Variants in DIAPH2 observed in about 807,000 individuals in gnomAD.
DIAPH2 encodes diaphanous related formin 2.
Under a neutral mutation model 92.7 loss-of-function variants are expected in DIAPH2, and 35 were observed. That is an observed-to-expected ratio of 0.38 (90% CI 0.29 to 0.50). The LOEUF (loss-of-function observed/expected upper bound fraction) is 0.50, where lower values mean the gene tolerates loss of function less well. DIAPH2 is among the 20% of genes least tolerant of loss of function. The pLI is 0.94. For synonymous variants in DIAPH2, 301 were observed against 280.4 expected (o/e 1.07, Z -0.73); for missense variants, 701 against 819.5 (o/e 0.86, Z 1.77).
At chrX:97,258,441 C>T (rs7060696) in intron 23 of DIAPH2, among the ~76,000 whole-genome samples, 2,876 of 110,444 alleles carry the variant, frequency 0.026, 93 homozygotes, top group African/African-American at 0.091. Flanking sequence ...AGGCGCGTGG[C>T]ACGCGCCTGT....
At chrX:97,061,901 G>A (rs923389258) in intron 17 of DIAPH2, among the ~76,000 whole-genome samples, 3 of 105,503 alleles carry the variant, frequency 2.8e-5, no homozygotes, top group Admixed American at 1.0e-4. Context: ...TTCTTTTCCC[G>A]TCTTCTCTAC....
At chrX:97,119,876 T>A (rs964471299) in intron 21 of DIAPH2, among the ~76,000 whole-genome samples, 2 of 111,833 alleles carry the variant, frequency 1.8e-5, no homozygotes, top group African/African-American at 6.5e-5. Flanking sequence ...TCCAAAGGGC[T>A]GGCCCCACTC....
chrX:97,564,360 G>A (rs778909208), intron 26 of DIAPH2: 1 of 112,369 alleles, frequency 8.9e-6, no homozygotes, highest in Non-Finnish European at 1.9e-5. Context: ...ATTTGTAAAC[G>A]ACAGAAATTT....
chrX:96,970,037 T>A (rs945707658), intron 17 of DIAPH2, among the ~76,000 whole-genome samples: 11 of 112,454 alleles, frequency 9.8e-5, no homozygotes, highest in Non-Finnish European at 1.9e-4. Context: ...TTTATAGATG[T>A]TGATAAACAT....
chrX:96,982,282 T>A (rs1255055248), intron 17 of DIAPH2, among the ~76,000 whole-genome samples: 2 of 112,039 alleles, frequency 1.8e-5, no homozygotes, highest in Admixed American at 9.5e-5. Context: ...TGGCTGTTAA[T>A]TAAATTAATT....
rs758740281 is a variant in DIAPH2 at position 97,099,997 on chromosome X, G to A, written c.2349+202G>A. Among the ~76,000 whole-genome samples the A allele has an allele frequency of 2.4e-4, 26 of 110,587 alleles. No homozygotes were observed. In the East Asian group the frequency reaches 6.5e-3, roughly 27 times the overall value. On this transcript the variant is annotated intron_variant, in intron 20 of 26. Transcript: ENST00000324765. ...GGCATTGAAAAATAATAAAATATTC[G>A]CATTCATAAAATACTTCAAAATATC...
At position 96,855,300 on chromosome X, in the gene DIAPH2, T is replaced by C. The variant is rs1466287834; in HGVS notation, c.448-26279T>C. 1.8e-4 allele frequency among the ~76,000 whole-genome samples: 20 copies of C among 110,910 alleles called. No homozygotes were observed. The Admixed American group carries it at 1.9e-3, about 11-fold the overall frequency. ...ATTACAATTGAGAGCCGAGGGACTA[T>C]CTTCAGCATTAAAAACTCAAACATT... On this transcript the variant is annotated intron_variant, in intron 4 of 26. Coordinates refer to ENST00000324765, the MANE Select transcript of DIAPH2 (RefSeq NM_006729.5).
At position 97,457,144 on chromosome X, in the gene DIAPH2, C is replaced by A. The variant is rs545531005; in HGVS notation, c.3241+27399C>A. ...CAAGCAATCCTCCTGCCAAAGCCTCCCGAGTAGCTGGGATTACAGGCACCC... is the reference window on the plus strand; with the variant it reads ...CAAGCAATCCTCCTGCCAAAGCCTCACGAGTAGCTGGGATTACAGGCACCC... On this transcript the variant is annotated intron_variant, in intron 26 of 26. Transcript: ENST00000324765. Among the ~76,000 whole-genome samples the A allele has an allele frequency of 3.3e-3, 363 of 111,384 alleles. 3 individuals carry two copies. Among genetic ancestry groups the A allele is most frequent in the South Asian group, 0.025 (65 of 2,598 alleles).
At chrX:97,484,816 G>A (rs1284741073) in intron 26 of DIAPH2, among the ~76,000 whole-genome samples, 2 of 111,869 alleles carry the variant, frequency 1.8e-5, no homozygotes, top group African/African-American at 6.5e-5. Flanking sequence ...AGAATCACTT[G>A]AACCTGGGAG....
chrX:97,513,999 C>A lies in DIAPH2; in HGVS notation c.3241+84254C>A, dbSNP rs1273946842. On this transcript the variant is annotated intron_variant, in intron 26 of 26. Coordinates refer to ENST00000324765, the MANE Select transcript of DIAPH2 (RefSeq NM_006729.5). ...GACAATTATGTGTCTTGGAGTTGCT[C>A]TTCTCTAGGAGAATCTTTGTGGCGT... Among the ~76,000 whole-genome samples, 50 of 107,015 alleles carry A rather than the reference C, an allele frequency of 4.7e-4. 2 individuals carry two copies. Among genetic ancestry groups the A allele is most frequent in the African/African-American group, 1.8e-3 (50 of 27,546 alleles). The allele number at this position is 107,015 out of a possible 115,157, so 92.9% of individuals were successfully genotyped here.
intron 21 of DIAPH2, among the ~76,000 whole-genome samples, chrX:97,119,059 G>C (rs1328961148): frequency 1.8e-5 from 2 of 111,031 alleles, no homozygotes; most frequent in Non-Finnish European, 1.9e-5. Flanking sequence ...AGGTAAATCA[G>C]GGATTTTTTT....
intron 5 of DIAPH2, among the ~76,000 whole-genome samples, chrX:96,890,791 G>T (rs951063374): frequency 1.1e-4 from 12 of 111,833 alleles, no homozygotes; most frequent in African/African-American, 3.6e-4. Context: ...AGTCATTTTG[G>T]TATATTATTT....
intron 23 of DIAPH2, among the ~76,000 whole-genome samples, chrX:97,278,165 G>C (rs1360002705): frequency 8.9e-6 from 1 of 112,143 alleles, no homozygotes; most frequent in African/African-American, 3.2e-5. Context: ...TTTAACTAGA[G>C]ATTTTAAAAC....
At chrX:97,000,910 C>T (rs145977189) in intron 17 of DIAPH2, among the ~76,000 whole-genome samples, 1,828 of 111,252 alleles carry the variant, frequency 0.016, 37 homozygotes, top group African/African-American at 0.057. Flanking sequence ...TGTCACATAC[C>T]ACTTCCCCAA....
chrX:97,402,994 T>C (rs1181495860), intron 25 of DIAPH2, among the ~76,000 whole-genome samples: 2 of 111,694 alleles, frequency 1.8e-5, no homozygotes, highest in African/African-American at 3.3e-5. Context: ...AAAATGAAAA[T>C]GTGGGACCTC....
At chrX:96,856,137 C>T (rs994064123) in intron 4 of DIAPH2, among the ~76,000 whole-genome samples, 2 of 111,542 alleles carry the variant, frequency 1.8e-5, no homozygotes, top group South Asian at 3.7e-4. Context: ...GCTCAAAACA[C>T]GAAAGATGTT....
intron 4 of DIAPH2, among the ~76,000 whole-genome samples, chrX:96,759,042 C>T (rs1161247582): frequency 9.3e-6 from 1 of 107,631 alleles, no homozygotes; most frequent in Non-Finnish European, 1.9e-5. Context: ...ACCTAGAGTT[C>T]ATAAAATCAC....
At chrX:96,757,349 T>A (rs1302838210) in intron 3 of DIAPH2, among the ~76,000 whole-genome samples, 1 of 112,247 alleles carries the variant, frequency 8.9e-6, no homozygotes, top group Non-Finnish European at 1.9e-5. Flanking sequence ...ATATGATTTG[T>A]AACCATTTTC....
intron 16 of DIAPH2, among the ~76,000 whole-genome samples, chrX:96,962,300 C>CACAT (rs1486542167): frequency 2.1e-4 from 13 of 61,152 alleles, no homozygotes; most frequent in African/African-American, 1.0e-3. Context: ...TATATATATA[C>CACAT]ATATATATAT....
Sources: gnomAD v4.1 joint callset for allele counts (sites outside exome capture counted in the v4.1 genomes callset) on GRCh38, gnomAD v4.1.1 for gene constraint, MANE v1.5 for transcripts, NCBI Gene and HGNC (gene_info 2026-07-23, HGNC 2026-07-21) for gene names.